Variants in PRKAR1A observed in about 807,000 individuals in gnomAD.
PRKAR1A encodes cAMP-dependent protein kinase type I-alpha regulatory subunit.
In PRKAR1A, 3 loss-of-function variants were observed where a neutral mutation model predicts 52.0. The observed-to-expected ratio is 0.06, with a 90% CI of 0.03 to 0.15. The LOEUF is 0.15. Ranked by LOEUF, PRKAR1A falls within the 10% of genes least tolerant of loss-of-function variation. The pLI is 1.00. For synonymous variants in PRKAR1A, 188 were observed against 168.4 expected, an observed-to-expected ratio of 1.12 and a Z score of -0.90; for missense variants, 240 against 477.4, an observed-to-expected ratio of 0.50 and a Z score of 4.63.
At chr17:68,434,204 A>T in the PRKAR1A span, among the ~76,000 whole-genome samples, 1 of 152,146 alleles carries the variant, frequency 6.6e-6, no homozygotes, top group Non-Finnish European at 1.5e-5. Flanking sequence ...CCTACATCCG[A>T]TAAGATCCCA....
At position 68,533,227 on chromosome 17, in the gene PRKAR1A, G is replaced by A. The variant is rs2086024354; in HGVS notation, c.*2778G>A. The stretch of plus-strand genomic sequence containing the variant: ...ATTTCTGATGCTCTTAGATTTCTGA[G>A]GAGTGAGATGATTAAGTTGTATTCA... On this transcript the variant is annotated 3_prime_UTR_variant, in exon 11 of 11. Coordinates refer to ENST00000589228, the MANE Select transcript of PRKAR1A (RefSeq NM_002734.5). 1 of 1,059,222 alleles carries A rather than the reference G, an allele frequency of 9.4e-7. No homozygotes were observed. The highest frequency in any genetic ancestry group is 4.6e-5 in the South Asian group (1 of 21,834). 65.6% of individuals were successfully genotyped at this position (1,059,222 alleles called of 1,614,324 possible). A position where few individuals can be genotyped will look rare whatever the true frequency, so the allele number is the denominator to read the frequency against.
intron 2 of PRKAR1A, among the ~76,000 whole-genome samples, chr17:68,521,999 T>A (rs984429284): frequency 1.3e-5 from 2 of 152,238 alleles, no homozygotes; most frequent in Non-Finnish European, 2.9e-5. Context: ...CAATAAGTAG[T>A]TTTTAAAAGC....
chr17:68,466,920 C>G, the PRKAR1A span, among the ~76,000 whole-genome samples: 4 of 152,138 alleles, frequency 2.6e-5, no homozygotes, highest in Non-Finnish European at 5.9e-5. Flanking sequence ...CAGCTACTAC[C>G]CATCCCTCCT....
the PRKAR1A span, among the ~76,000 whole-genome samples, chr17:68,481,643 G>C: frequency 6.6e-6 from 1 of 152,214 alleles, no homozygotes; most frequent in African/African-American, 2.4e-5. Flanking sequence ...AATTGATCTA[G>C]AATTTCCAGG....
At chr17:68,486,469 C>CTT in the PRKAR1A span, among the ~76,000 whole-genome samples, 6 of 102,354 alleles carry the variant, frequency 5.9e-5, no homozygotes, top group Admixed American at 5.5e-4. Flanking sequence ...TTCTTTCTTT[C>CTT]TCTCCTTCCT....
At chr17:68,489,231 G>GATATATATATAT in the PRKAR1A span, among the ~76,000 whole-genome samples, 1 of 12,866 alleles carries the variant, frequency 7.8e-5, no homozygotes, top group Non-Finnish European at 1.3e-4. Flanking sequence ...TATATATATG[G>GATATATATATAT]AAAGTATATA....
chr17:68,445,645 C>T, the PRKAR1A span, among the ~76,000 whole-genome samples: 6 of 152,214 alleles, frequency 3.9e-5, no homozygotes, highest in Non-Finnish European at 7.3e-5. Flanking sequence ...GAGCCTCTTC[C>T]CAATGGCTGT....
the PRKAR1A span, chr17:68,428,891 G>A: frequency 6.2e-7 from 1 of 1,614,156 alleles, no homozygotes; most frequent in Non-Finnish European, 8.5e-7. Flanking sequence ...ACATATAAAG[G>A]TGTCCACTGG....
chr17:68,450,961 C>T, the PRKAR1A span: 5 of 1,554,840 alleles, frequency 3.2e-6, no homozygotes, highest in African/African-American at 4.1e-5. Flanking sequence ...TTCCAGCCTC[C>T]ATGACACTGG....
the PRKAR1A span, among the ~76,000 whole-genome samples, chr17:68,419,261 C>T: frequency 2.0e-5 from 3 of 152,126 alleles, no homozygotes; most frequent in Admixed American, 6.5e-5. Context: ...GTTAAAGATA[C>T]TTTAAAAAAT....
chr17:68,480,699 C>T, the PRKAR1A span, among the ~76,000 whole-genome samples: 34 of 152,242 alleles, frequency 2.2e-4, no homozygotes, highest in South Asian at 4.4e-3. Context: ...AGGCATGTGC[C>T]GTGAGGCTTG....
the PRKAR1A span, among the ~76,000 whole-genome samples, chr17:68,446,797 G>C: frequency 1.3e-5 from 2 of 152,188 alleles, no homozygotes; most frequent in Non-Finnish European, 2.9e-5. Context: ...CATCTGATCT[G>C]ATCTGCATTT....
the PRKAR1A span, chr17:68,457,327 C>T: frequency 6.5e-7 from 1 of 1,542,826 alleles, no homozygotes; most frequent in Non-Finnish European, 8.7e-7. Context: ...TGGCAGGGGC[C>T]GAGTCGCAGC....
At chr17:68,421,066 C>T in the PRKAR1A span, 1 of 154,968 alleles carries the variant, frequency 6.5e-6, no homozygotes, top group Non-Finnish European at 1.4e-5. Flanking sequence ...TGAAATCCTA[C>T]ATTTCTATCA....
the PRKAR1A span, among the ~76,000 whole-genome samples, chr17:68,459,841 C>A: frequency 1.5e-5 from 2 of 137,304 alleles, no homozygotes; most frequent in Admixed American, 1.5e-4. Flanking sequence ...TCAGTTAATT[C>A]AGGTTTTAAT....
At chr17:68,502,993 C>T in the PRKAR1A span, among the ~76,000 whole-genome samples, 1 of 152,250 alleles carries the variant, frequency 6.6e-6, no homozygotes, top group Admixed American at 6.5e-5. Context: ...AGCATTCATG[C>T]TCACAAGCTT....
intron 3 of PRKAR1A, 105 bp from the exon 4 acceptor site, chr17:68,523,620 G>C: frequency 1.1e-6 from 1 of 873,608 alleles, no homozygotes; most frequent in South Asian, 1.4e-5. Context: ...AAGCAGTCTT[G>C]TTTAAATACC....
chr17:68,424,611 C>G, the PRKAR1A span: 1 of 462,514 alleles, frequency 2.2e-6, no homozygotes, highest in Non-Finnish European at 4.4e-6. Flanking sequence ...TGCGGCGGTT[C>G]ACGCCTGTAA....
the PRKAR1A span, among the ~76,000 whole-genome samples, chr17:68,446,740 G>C: frequency 8.5e-5 from 13 of 152,250 alleles, no homozygotes; most frequent in African/African-American, 3.1e-4. Context: ...CTGGGATAGC[G>C]GGGCCTTGAC....
Sources: gnomAD v4.1 joint callset for allele counts (sites outside exome capture counted in the v4.1 genomes callset) on GRCh38, gnomAD v4.1.1 for gene constraint, MANE v1.5 for transcripts, NCBI Gene and HGNC (gene_info 2026-07-23, HGNC 2026-07-21) for gene names.